PKN2: variants seen among roughly 807,000 people sequenced by gnomAD.
PKN2 encodes protein kinase N2, also known as serine/threonine-protein kinase N2.
A neutral mutation model predicts 119.1 loss-of-function variants in PKN2; 38 were observed. That is an observed-to-expected ratio of 0.32 (90% confidence interval 0.25 to 0.42). The LOEUF is 0.42. PKN2 is among the 10% of genes least tolerant of loss of function. The pLI is 1.00. For missense variants in PKN2, 850 were observed against 1,165.1 expected, an observed-to-expected ratio of 0.73 and a Z score of 3.94; for synonymous variants, 390 against 384.9, an observed-to-expected ratio of 1.01 and a Z score of -0.15.
At chr1:88,770,943 T>C (rs573304356) in intron 4 of PKN2, among the ~76,000 whole-genome samples, 95 of 151,660 alleles carry the variant, frequency 6.3e-4, no homozygotes, top group Non-Finnish European at 6.9e-4. Context: ...TGCTTTTAGA[T>C]ATTTGGCCCT....
At chr1:88,791,012 A>G (rs1397364738) in intron 8 of PKN2, among the ~76,000 whole-genome samples, 1 of 152,040 alleles carries the variant, frequency 6.6e-6, no homozygotes, top group Non-Finnish European at 1.5e-5. Context: ...TCAGTTTTAA[A>G]TTTTCTTCTT....
intron 15 of PKN2, among the ~76,000 whole-genome samples, chr1:88,811,931 AT>A (rs1185010329): frequency 6.6e-6 from 1 of 152,204 alleles, no homozygotes; most frequent in African/African-American, 2.4e-5. Context: ...GTAGAGTCTT[AT>A]AAAAGAGGTT....
At chr1:88,691,032 A>G (rs1039528127) in intron 1 of PKN2, among the ~76,000 whole-genome samples, 2 of 152,100 alleles carry the variant, frequency 1.3e-5, no homozygotes, top group African/African-American at 4.8e-5. Context: ...CATACCACAC[A>G]ATACATGTGC....
chr1:88,822,539 TAGTCAGA>T (rs989057229), intron 17 of PKN2, among the ~76,000 whole-genome samples: 1 of 151,842 alleles, frequency 6.6e-6, no homozygotes, highest in African/African-American at 2.4e-5. Flanking sequence ...ATGAGAAGGC[TAGTCAGA>T]ATTAGAAGAC....
At chr1:88,776,107 CAAA>C (rs61540217) in intron 6 of PKN2, among the ~76,000 whole-genome samples, 3 of 93,618 alleles carry the variant, frequency 3.2e-5, no homozygotes, top group Admixed American at 1.1e-4. Context: ...GACTCCGTCT[CAAA>C]AAAAAAAAAA....
chr1:88,710,755 C>T (rs1463154501), intron 1 of PKN2, among the ~76,000 whole-genome samples: 3 of 152,220 alleles, frequency 2.0e-5, no homozygotes, highest in South Asian at 4.1e-4. Flanking sequence ...TCTTCAAAGA[C>T]CTAAAGACAG....
chr1:88,723,413 C>CG (rs1209319072), intron 1 of PKN2, among the ~76,000 whole-genome samples: 2 of 146,334 alleles, frequency 1.4e-5, no homozygotes, highest in East Asian at 2.1e-4. Context: ...GTGCCCTGCC[C>CG]CCCCCCCTTT....
chr1:88,713,065 G>A lies in PKN2; in HGVS notation c.49-27923G>A, dbSNP rs537998967. 3.9e-5 allele frequency among the ~76,000 whole-genome samples: 6 copies of A among 152,192 alleles called. No individual in the cohort carries two copies. In the East Asian group the frequency reaches 1.2e-3, roughly 29 times the overall value. On this transcript the variant is annotated intron_variant, in intron 1 of 21. Coordinates refer to ENST00000370521, the MANE Select transcript of PKN2 (RefSeq NM_006256.4). ...TTGCGATAGTTTGCTCAGAATGATG[G>A]TTTCCAGCTTCATCCATGTCCCTAC...
intron 1 of PKN2, among the ~76,000 whole-genome samples, chr1:88,737,659 C>G (rs191762285): frequency 2.0e-4 from 31 of 152,230 alleles, no homozygotes; most frequent in Non-Finnish European, 4.3e-4. Context: ...CCACAGGTTT[C>G]CACATAGTAT....
At chr1:88,820,234 A>ATATATATATATATG (rs1672215830) in intron 16 of PKN2, among the ~76,000 whole-genome samples, 1 of 104,230 alleles carries the variant, frequency 9.6e-6, no homozygotes, top group African/African-American at 4.8e-5. Flanking sequence ...ATATATATAT[A>ATATATATATATATG]AATAGAAAAA....
chr1:88,751,278 C>T (rs1159259637), intron 2 of PKN2, among the ~76,000 whole-genome samples: 1 of 151,900 alleles, frequency 6.6e-6, no homozygotes, highest in Non-Finnish European at 1.5e-5. Flanking sequence ...TGAAAATGTT[C>T]ATATATACAC....
At chr1:88,755,275 G>C (rs72724729) in intron 2 of PKN2, among the ~76,000 whole-genome samples, 2 of 151,998 alleles carry the variant, frequency 1.3e-5, no homozygotes, top group African/African-American at 4.8e-5. Context: ...CAAATTTAAC[G>C]TACAAGGAAG....
At chr1:88,831,821 A>G (rs1041710587) in intron 19 of PKN2, among the ~76,000 whole-genome samples, 9 of 152,064 alleles carry the variant, frequency 5.9e-5, no homozygotes, top group Admixed American at 5.9e-4. Context: ...ATTTTAAGGA[A>G]TTAAATGATA....
chr1:88,807,180 T>A, intron 12 of PKN2, 133 bp from the exon 13 acceptor site: 1 of 702,956 alleles, frequency 1.4e-6, no homozygotes, highest in Non-Finnish European at 2.3e-6. Flanking sequence ...TTTTAAAGAA[T>A]GAGTATCTGA....
chr1:88,777,444 T>C (rs912545326), intron 6 of PKN2, among the ~76,000 whole-genome samples: 1 of 152,218 alleles, frequency 6.6e-6, no homozygotes, highest in Non-Finnish European at 1.5e-5. Context: ...CGTATTCTGT[T>C]ACTGTGCTTG....
At chr1:88,708,818 C>T (rs771482890) in intron 1 of PKN2, among the ~76,000 whole-genome samples, 1 of 151,862 alleles carries the variant, frequency 6.6e-6, no homozygotes, top group Non-Finnish European at 1.5e-5. Context: ...TAATATATGT[C>T]ACATTTTGCT....
At chr1:88,781,257 C>T in intron 6 of PKN2, 1 of 703,344 alleles carries the variant, frequency 1.4e-6, no homozygotes, top group South Asian at 1.9e-5. Context: ...GATTATACTA[C>T]TGAAATTTGC....
At chr1:88,735,824 A>G (rs1156431532) in intron 1 of PKN2, among the ~76,000 whole-genome samples, 2 of 152,094 alleles carry the variant, frequency 1.3e-5, no homozygotes, top group African/African-American at 4.8e-5. Flanking sequence ...TTTGGGCTGT[A>G]TCTGATTGGT....
At chr1:88,728,296 C>T (rs1323265407) in intron 1 of PKN2, among the ~76,000 whole-genome samples, 1 of 152,062 alleles carries the variant, frequency 6.6e-6, no homozygotes, top group East Asian at 1.9e-4. Context: ...TTCAAGCAGG[C>T]ACATGTTTCT....
Sources: allele counts gnomAD v4.1 joint callset (sites outside exome capture counted in the v4.1 genomes callset), GRCh38; gene constraint gnomAD v4.1.1; transcripts MANE v1.5; gene names NCBI Gene and HGNC (gene_info 2026-07-23, HGNC 2026-07-21).